The following DSCAML1 variants were observed in gnomAD, a reference collection of about 807,000 sequenced individuals.
DSCAML1 encodes the protein DS cell adhesion molecule like 1, also known as cell adhesion molecule DSCAML1.
A neutral mutation model predicts 200.5 loss-of-function variants in DSCAML1; 38 were observed. That is an observed-to-expected ratio of 0.19 (90% CI 0.15 to 0.25). The LOEUF (loss-of-function observed/expected upper bound fraction) is 0.25, where lower values mean the gene tolerates loss of function less well. DSCAML1 is among the 10% of genes least tolerant of loss of function. The pLI is 1.00. For missense variants in DSCAML1, 2,223 were observed against 2,858.8 expected, an observed-to-expected ratio of 0.78 and a Z score of 5.07; for synonymous variants, 1,215 against 1,165.0, an observed-to-expected ratio of 1.04 and a Z score of -0.87.
rs571106927 is a variant in DSCAML1, at chr11:117,566,766, C to A, written c.512-34244G>T. On this transcript the variant is annotated intron_variant, in intron 3 of 32. Transcript: ENST00000651296. ...ACAACAGTCCCCAGAGTGTGATGTTCCCCTTCCTGTGTCCATGTGTTTTCA... is the reference window on the plus strand; with the variant it reads ...ACAACAGTCCCCAGAGTGTGATGTTACCCTTCCTGTGTCCATGTGTTTTCA... Among the ~76,000 whole-genome samples, 140 of 144,040 alleles carry A rather than the reference C, an allele frequency of 9.7e-4. 1 individual carries two copies. Among genetic ancestry groups the A allele is most frequent in the African/African-American group, 3.2e-3 (125 of 39,078 alleles). 94.5% of individuals were successfully genotyped at this position (144,040 alleles called of 152,430 possible).
chr11:117,666,231 C>T (rs1300579657), intron 3 of DSCAML1, among the ~76,000 whole-genome samples: 1 of 152,160 alleles, frequency 6.6e-6, no homozygotes, highest in Non-Finnish European at 1.5e-5. Context: ...GCCTCTTCAG[C>T]ATCAATTTCC....
intron 20 of DSCAML1, among the ~76,000 whole-genome samples, chr11:117,450,229 G>A (rs552706025): frequency 9.9e-5 from 15 of 152,204 alleles, no homozygotes; most frequent in Non-Finnish European, 1.8e-4. Flanking sequence ...GGGACCTGCT[G>A]GGAGCTTCCT....
chr11:117,535,173 A>G (rs1383746119), intron 3 of DSCAML1, among the ~76,000 whole-genome samples: 1 of 152,106 alleles, frequency 6.6e-6, no homozygotes, highest in Admixed American at 6.5e-5. Context: ...TGTCATGGGG[A>G]TGGTGTGGGA....
intron 3 of DSCAML1, among the ~76,000 whole-genome samples, chr11:117,771,150 C>T (rs1360869033): frequency 6.6e-6 from 1 of 152,190 alleles, no homozygotes; most frequent in Non-Finnish European, 1.5e-5. Flanking sequence ...TCTCTGTGCC[C>T]ATCTCCCATT....
chr11:117,757,571 TATACACAC>T (rs1255358013), intron 3 of DSCAML1, among the ~76,000 whole-genome samples: 4 of 83,530 alleles, frequency 4.8e-5, no homozygotes, highest in South Asian at 4.2e-4. Flanking sequence ...ATTAGGAGCC[TATACACAC>T]ACACACACAC....
intron 3 of DSCAML1, among the ~76,000 whole-genome samples, chr11:117,573,217 A>G (rs1455165697): frequency 2.0e-5 from 3 of 152,236 alleles, no homozygotes; most frequent in Non-Finnish European, 4.4e-5. Context: ...TCATACGCAG[A>G]GTACGCTGGC....
intron 3 of DSCAML1, among the ~76,000 whole-genome samples, chr11:117,644,610 T>C (rs923160098): frequency 2.0e-5 from 3 of 152,246 alleles, no homozygotes; most frequent in Admixed American, 6.5e-5. Context: ...CTAGGGTTTA[T>C]TAAATACGTT....
intron 3 of DSCAML1, among the ~76,000 whole-genome samples, chr11:117,626,535 A>T (rs1221114949): frequency 6.6e-6 from 1 of 152,150 alleles, no homozygotes; most frequent in Non-Finnish European, 1.5e-5. Context: ...TCACTGGGGC[A>T]GTCATGTCTC....
chr11:117,645,394 T>G lies in DSCAML1; in HGVS notation c.512-112872A>C, dbSNP rs558455090. ...TGAGGAGAGAAATTCCAGGGAAGGTTGGGACTGGAACCATGAGAGCCCAAC... is the reference window on the plus strand; with the variant it reads ...TGAGGAGAGAAATTCCAGGGAAGGTGGGGACTGGAACCATGAGAGCCCAAC... On this transcript the variant is annotated intron_variant, in intron 3 of 32. Coordinates refer to ENST00000651296, the MANE Select transcript of DSCAML1 (RefSeq NM_020693.4). Among the ~76,000 whole-genome samples the G allele has an allele frequency of 2.0e-5, 3 of 152,222 alleles. No individual in the cohort carries two copies. In the South Asian group the frequency reaches 6.2e-4, roughly 32 times the overall value.
At chr11:117,490,882 C>T (rs185589823) in intron 11 of DSCAML1, among the ~76,000 whole-genome samples, 9 of 152,272 alleles carry the variant, frequency 5.9e-5, no homozygotes, top group Admixed American at 3.3e-4. Context: ...GGAGGAGGTC[C>T]GGGCTAGCAG....
chr11:117,572,662 T>C (rs555195741), intron 3 of DSCAML1, among the ~76,000 whole-genome samples: 30 of 152,128 alleles, frequency 2.0e-4, no homozygotes, highest in South Asian at 8.3e-4. Flanking sequence ...CGGTAGGGGA[T>C]TGGGGGGAGG....
At chr11:117,668,843 GA>G (rs2053037458) in intron 3 of DSCAML1, 1 of 152,180 alleles carries the variant, frequency 6.6e-6, no homozygotes, top group Admixed American at 6.5e-5. Flanking sequence ...TTAATAAAAA[GA>G]AATGAACCCA....
intron 3 of DSCAML1, among the ~76,000 whole-genome samples, chr11:117,604,861 A>G (rs58569081): frequency 0.019 from 2,869 of 152,164 alleles, 92 homozygotes; most frequent in African/African-American, 0.065. Flanking sequence ...CCTGTCTGGG[A>G]TCCAGGGCTC....
intron 3 of DSCAML1, among the ~76,000 whole-genome samples, chr11:117,756,451 G>GGGAGCC (rs1164844060): frequency 6.6e-6 from 1 of 152,162 alleles, no homozygotes; most frequent in Non-Finnish European, 1.5e-5. Flanking sequence ...CGGCAGAGTT[G>GGGAGCC]GGAGCCAGAG....
intron 3 of DSCAML1, among the ~76,000 whole-genome samples, chr11:117,552,151 G>A (rs1014712416): frequency 2.8e-4 from 43 of 152,064 alleles, no homozygotes; most frequent in Admixed American, 1.5e-3. Flanking sequence ...TGTCTGACCC[G>A]TAGAGTAAAA....
intron 20 of DSCAML1, among the ~76,000 whole-genome samples, chr11:117,446,726 C>T (rs2137107003): frequency 6.6e-6 from 1 of 152,344 alleles, no homozygotes; most frequent in Middle Eastern, 3.4e-3. Flanking sequence ...GTTGGCCACT[C>T]ACCCTGCTGG....
At chr11:117,440,645 C>T (rs2048024147) in intron 21 of DSCAML1, among the ~76,000 whole-genome samples, 3 of 152,166 alleles carry the variant, frequency 2.0e-5, no homozygotes, top group Admixed American at 2.0e-4. Flanking sequence ...GGCCTGGTGG[C>T]TCACGCCTGT....
chr11:117,817,225 A>C (rs2055818438), intron 1 of DSCAML1, among the ~76,000 whole-genome samples: 1 of 152,196 alleles, frequency 6.6e-6, no homozygotes, highest in South Asian at 2.1e-4. Flanking sequence ...CCATTGCCCA[A>C]GGCCAGCACT....
chr11:117,786,371 A>G (rs2055352048), intron 1 of DSCAML1, among the ~76,000 whole-genome samples: 1 of 152,200 alleles, frequency 6.6e-6, no homozygotes, highest in Non-Finnish European at 1.5e-5. Flanking sequence ...AATTGCTAGG[A>G]GATTAGAAGT....
Sources: gnomAD v4.1 joint callset for allele counts (sites outside exome capture counted in the v4.1 genomes callset) on GRCh38, gnomAD v4.1.1 for gene constraint, MANE v1.5 for transcripts, NCBI Gene and HGNC (gene_info 2026-07-23, HGNC 2026-07-21) for gene names.